Variants in SNX29 observed in about 807,000 individuals in gnomAD.
SNX29 encodes the protein sorting nexin 29.
In SNX29, 78 loss-of-function variants were observed where a neutral mutation model predicts 102.1. The observed-to-expected ratio is 0.76, with a 90% CI of 0.64 to 0.92. SNX29 has a LOEUF of 0.92. Among genes scored for constraint, SNX29 ranks in the 40% least tolerant of loss-of-function variants. SNX29 has a pLI of 0.00. For missense variants in SNX29, 1,280 were observed against 1,061.7 expected, an observed-to-expected ratio of 1.21 and a Z score of -2.86; for synonymous variants, 580 against 414.5, an observed-to-expected ratio of 1.40 and a Z score of -4.85.
chr16:12,403,309 G>C (rs1017730119), intron 17 of SNX29, 139 bp from the exon 18 acceptor site: 2 of 691,810 alleles, frequency 2.9e-6, no homozygotes, highest in Admixed American at 5.0e-5. Flanking sequence ...TTGCCATCAG[G>C]TGTGATGTAA....
At chr16:12,036,991 C>T (rs2057494489) in intron 4 of SNX29, among the ~76,000 whole-genome samples, 1 of 151,972 alleles carries the variant, frequency 6.6e-6, no homozygotes, top group South Asian at 2.1e-4. Flanking sequence ...ATCTGTCGTC[C>T]CTCACCACCG....
intron 19 of SNX29, among the ~76,000 whole-genome samples, chr16:12,505,363 G>GA (rs113785542): frequency 0.014 from 2,162 of 151,588 alleles, 55 homozygotes; most frequent in African/African-American, 0.049. Flanking sequence ...GGGCCTATTT[G>GA]AAAAAAAACC....
chr16:12,288,129 A>C (rs77499158), intron 15 of SNX29, among the ~76,000 whole-genome samples: 2 of 152,294 alleles, frequency 1.3e-5, no homozygotes, highest in East Asian at 3.9e-4. Context: ...TCAAGGCTGC[A>C]GTGAGCTATT....
chr16:12,057,713 A>T (rs1195736191), intron 8 of SNX29, among the ~76,000 whole-genome samples: 4 of 152,226 alleles, frequency 2.6e-5, no homozygotes, highest in Admixed American at 2.6e-4. Flanking sequence ...ACATTTTAAC[A>T]TTTAGGATCT....
At chr16:12,185,014 C>T (rs1359372361) in intron 13 of SNX29, among the ~76,000 whole-genome samples, 3 of 152,326 alleles carry the variant, frequency 2.0e-5, no homozygotes, top group Non-Finnish European at 4.4e-5. Context: ...GATGCTGAAC[C>T]ATCAGCTGTC....
intron 13 of SNX29, among the ~76,000 whole-genome samples, chr16:12,162,681 C>G (rs1386067284): frequency 6.6e-6 from 1 of 152,164 alleles, no homozygotes; most frequent in Non-Finnish European, 1.5e-5. Flanking sequence ...CTTGAGCTAG[C>G]CTGAAGGCAG....
chr16:12,018,735 C>CTTTTTTTTGTCTT (rs1596606580), intron 3 of SNX29, among the ~76,000 whole-genome samples: 2 of 148,870 alleles, frequency 1.3e-5, no homozygotes, highest in East Asian at 3.9e-4. Context: ...ATCTTTTACA[C>CTTTTTTTTGTCTT]TTTTTTTTGT....
intron 13 of SNX29, among the ~76,000 whole-genome samples, chr16:12,148,479 ATCTTGTTTT>A (rs1456785015): frequency 3.3e-5 from 5 of 152,144 alleles, no homozygotes; most frequent in African/African-American, 1.2e-4. Flanking sequence ...ATCTTAGTAG[ATCTTGTTTT>A]TCTTGTTTTT....
chr16:12,463,586 C>T (rs1416695055), intron 18 of SNX29, among the ~76,000 whole-genome samples: 2 of 152,124 alleles, frequency 1.3e-5, no homozygotes, highest in Non-Finnish European at 2.9e-5. Context: ...CCACCGGGCC[C>T]CTCCCACAAC....
At chr16:12,508,333 A>C (rs562752315) in intron 19 of SNX29, among the ~76,000 whole-genome samples, 6 of 152,322 alleles carry the variant, frequency 3.9e-5, no homozygotes, top group African/African-American at 1.4e-4. Flanking sequence ...TGGCCTTCAG[A>C]AGCATGGACC....
At chr16:12,565,912 A>G (rs918059705) in intron 20 of SNX29, among the ~76,000 whole-genome samples, 1 of 151,932 alleles carries the variant, frequency 6.6e-6, no homozygotes, top group Non-Finnish European at 1.5e-5. Context: ...ATCCACCGTG[A>G]TCCACCACAG....
At chr16:12,564,634 G>T (rs2078915218) in intron 20 of SNX29, among the ~76,000 whole-genome samples, 1 of 150,426 alleles carries the variant, frequency 6.6e-6, no homozygotes, top group African/African-American at 2.5e-5. Context: ...CATTAACAGA[G>T]TCCCTGCTGG....
chr16:12,435,218 C>G (rs912843819), intron 18 of SNX29, among the ~76,000 whole-genome samples: 1 of 152,204 alleles, frequency 6.6e-6, no homozygotes, highest in African/African-American at 2.4e-5. Context: ...TCCTCCCATC[C>G]CAAGAAATCA....
chr16:12,245,781 A>T (rs913344696), intron 14 of SNX29, among the ~76,000 whole-genome samples: 1 of 151,964 alleles, frequency 6.6e-6, no homozygotes, highest in Admixed American at 6.6e-5. Context: ...TGGGGCAGGC[A>T]GCTTTGTGGT....
chr16:12,260,580 T>C (rs558306861), intron 14 of SNX29, among the ~76,000 whole-genome samples: 5 of 152,336 alleles, frequency 3.3e-5, no homozygotes, highest in South Asian at 4.1e-4. Context: ...GGGGCATCCA[T>C]GTCCTCCTGG....
At chr16:12,386,878 A>G (rs1446658565) in intron 16 of SNX29, among the ~76,000 whole-genome samples, 1 of 151,782 alleles carries the variant, frequency 6.6e-6, no homozygotes, top group Non-Finnish European at 1.5e-5. Context: ...TAATCCCAGC[A>G]GTTTGGGAGG....
intron 3 of SNX29, among the ~76,000 whole-genome samples, chr16:12,018,279 T>A (rs1311747809): frequency 6.6e-6 from 1 of 152,122 alleles, no homozygotes; most frequent in East Asian, 1.9e-4. Flanking sequence ...TATTTATTTT[T>A]AAAAATGATT....
intron 11 of SNX29, among the ~76,000 whole-genome samples, chr16:12,119,033 A>C (rs1300872963): frequency 6.6e-6 from 1 of 152,256 alleles, no homozygotes; most frequent in East Asian, 1.9e-4. Context: ...TTAGGACATG[A>C]GGCTCACAAT....
chr16:12,324,796 C>T (rs1190279293), intron 15 of SNX29, among the ~76,000 whole-genome samples: 1 of 152,150 alleles, frequency 6.6e-6, no homozygotes, highest in African/African-American at 2.4e-5. Flanking sequence ...AGCAATCCAT[C>T]TATCTGGGAG....
Sources: allele counts gnomAD v4.1 joint callset (sites outside exome capture counted in the v4.1 genomes callset), GRCh38; gene constraint gnomAD v4.1.1; transcripts MANE v1.5; gene names NCBI Gene and HGNC (gene_info 2026-07-23, HGNC 2026-07-21).